The following SLC2A13 variants were observed in gnomAD, a reference collection of about 807,000 sequenced individuals.
SLC2A13 encodes solute carrier family 2 member 13.
In SLC2A13, 32 loss-of-function variants were observed where a neutral mutation model predicts 64.4. That is an observed-to-expected ratio of 0.50 (90% confidence interval 0.37 to 0.67). The LOEUF is 0.67. Among genes scored for constraint, SLC2A13 ranks in the 30% least tolerant of loss-of-function variants. SLC2A13 has a pLI of 0.00. For missense variants in SLC2A13, 743 were observed against 829.2 expected (o/e 0.90, Z 1.28); for synonymous variants, 338 against 327.1 (o/e 1.03, Z -0.36).
intron 4 of SLC2A13, among the ~76,000 whole-genome samples, chr12:39,881,511 A>T (rs547097008): frequency 2.6e-5 from 4 of 152,140 alleles, no homozygotes; most frequent in Non-Finnish European, 5.9e-5. Flanking sequence ...TGTCTCAATT[A>T]TCTGCTTATT....
intron 6 of SLC2A13, among the ~76,000 whole-genome samples, chr12:39,854,228 A>T (rs972750901): frequency 6.6e-6 from 1 of 152,132 alleles, no homozygotes; most frequent in Non-Finnish European, 1.5e-5. Context: ...TAGTTTTCTT[A>T]TCTGTAAAAT....
At chr12:40,069,363 AT>A (rs1276548716) in intron 1 of SLC2A13, among the ~76,000 whole-genome samples, 1 of 152,150 alleles carries the variant, frequency 6.6e-6, no homozygotes. Flanking sequence ...TTTTAGTGGT[AT>A]TTAGTAACAA....
intron 3 of SLC2A13, among the ~76,000 whole-genome samples, chr12:40,020,004 A>G (rs1314014219): frequency 1.2e-4 from 18 of 152,214 alleles, no homozygotes. Flanking sequence ...GGTATTCAGT[A>G]AGATACTGAT....
chr12:39,881,933 A>G (rs1944346147), intron 4 of SLC2A13, among the ~76,000 whole-genome samples: 1 of 152,142 alleles, frequency 6.6e-6, no homozygotes, highest in South Asian at 2.1e-4. Flanking sequence ...CAGTGGCATC[A>G]ACATGGACCA....
At position 39,930,192 on chromosome 12, in the gene SLC2A13, G is replaced by C. The variant is rs570792192; in HGVS notation, c.1034+21065C>G. Among the ~76,000 whole-genome samples the C allele has an allele frequency of 5.9e-5, 9 of 151,854 alleles. No individual in the cohort carries two copies. In the South Asian group the frequency reaches 1.9e-3, roughly 32 times the overall value. On this transcript the variant is annotated intron_variant, in intron 4 of 9. Coordinates refer to ENST00000280871, the MANE Select transcript of SLC2A13 (RefSeq NM_052885.4). ...GGCACCTACTTACTACTATAGGAGA[G>C]AGAGAAAAAAATCCTGGTATAACTG...
chr12:40,062,690 G>A (rs1948442683), intron 1 of SLC2A13, among the ~76,000 whole-genome samples: 1 of 151,694 alleles, frequency 6.6e-6, no homozygotes, highest in Non-Finnish European at 1.5e-5. Context: ...ATAAGCTCTT[G>A]GAAAAAAAAT....
intron 3 of SLC2A13, among the ~76,000 whole-genome samples, chr12:39,959,260 G>A (rs905040237): frequency 6.6e-6 from 1 of 152,170 alleles, no homozygotes; most frequent in African/African-American, 2.4e-5. Context: ...TGTTCTGCTT[G>A]AAAGAATGGA....
chr12:39,777,703 C>T (rs1345639151), intron 7 of SLC2A13, among the ~76,000 whole-genome samples: 2 of 152,072 alleles, frequency 1.3e-5, no homozygotes, highest in East Asian at 3.9e-4. Flanking sequence ...GGTGGCTGGC[C>T]GTCGAGAGGA....
intron 3 of SLC2A13, among the ~76,000 whole-genome samples, chr12:39,992,497 A>G (rs545488320): frequency 1.9e-4 from 29 of 152,104 alleles, no homozygotes; most frequent in African/African-American, 7.0e-4. Context: ...ACTCATTTTC[A>G]TCTTTCTTTC....
chr12:40,089,881 C>A (rs1938704170), intron 1 of SLC2A13, among the ~76,000 whole-genome samples: 1 of 152,066 alleles, frequency 6.6e-6, no homozygotes, highest in South Asian at 2.1e-4. Flanking sequence ...GCTCTGGGCT[C>A]CCTGGATTTG....
chr12:40,051,484 T>C (rs1356443464), intron 1 of SLC2A13, among the ~76,000 whole-genome samples: 1 of 152,094 alleles, frequency 6.6e-6, no homozygotes, highest in Non-Finnish European at 1.5e-5. Context: ...AGACATGAGC[T>C]CTGTTCTCGT....
chr12:39,910,151 C>T (rs1245720028), intron 4 of SLC2A13, among the ~76,000 whole-genome samples: 2 of 152,064 alleles, frequency 1.3e-5, no homozygotes, highest in Non-Finnish European at 2.9e-5. Context: ...AACACATTTC[C>T]ATCTTGAATA....
In SLC2A13 at chr12:39,760,221, A is replaced by G. The variant is rs759432371; in HGVS notation, c.1752T>C (p.Ala584=). 13 of 1,612,528 alleles carry G rather than the reference A, an allele frequency of 8.1e-6. No individual in the cohort carries two copies. The African/African-American group carries it at 1.7e-4, about 22-fold the overall frequency. The change falls in exon 10 of 10, where the codon GCT becomes GCC. Residue 584 remains alanine, a synonymous_variant. Transcript: ENST00000280871. ...AGCCATAGATGAAAAGGAGTCCCAC[A>G]GCAGCAAATCCAGCATAGAGGAAGA... The part of the protein sequence containing the change: ...GAFFLYAGFA[A]VGLLFIYGCL...
chr12:40,105,755 G>A lies in SLC2A13; in HGVS notation c.54C>T (p.Ser18=). ...NVEYTLRSLS[S]LMGERRRKQP... ...GCTTCCTGCGCCGCTCGCCCATCAG[G>A]CTGCTCAGGCTCCGCAGCGTGTACT... Residue 18 remains serine (S), a synonymous_variant, in exon 1 of 10, where the codon AGC becomes AGT. Transcript: ENST00000280871. This position sits in a 1 kb window ranked among gnomAD's most constrained non-coding sequence, Gnocchi z 4.2. The A allele has an allele frequency of 1.3e-6, 2 of 1,490,380 alleles. No homozygotes were observed. Among genetic ancestry groups the A allele is most frequent in the Non-Finnish European group, 1.8e-6 (2 of 1,120,674 alleles). The allele number at this position is 1,490,380 out of a possible 1,614,324, so 92.3% of individuals were successfully genotyped here.
At chr12:39,912,878 C>T (rs1945453888) in intron 4 of SLC2A13, among the ~76,000 whole-genome samples, 1 of 152,094 alleles carries the variant, frequency 6.6e-6, no homozygotes, top group Non-Finnish European at 1.5e-5. Context: ...CTACATACAA[C>T]ATAGCCGTTG....
rs368407018 is a variant in SLC2A13, at chr12:40,097,921, T to G, written c.556+7332A>C. Among the ~76,000 whole-genome samples, 8 of 152,108 alleles carry G rather than the reference T, an allele frequency of 5.3e-5. 1 individual carries two copies. In the East Asian group the frequency reaches 9.7e-4, roughly 18 times the overall value. On this transcript the variant is annotated intron_variant, in intron 1 of 9. Coordinates refer to ENST00000280871, the MANE Select transcript of SLC2A13 (RefSeq NM_052885.4). ...AAGGACCTCAAAGAGATGTATGCAC[T>G]CCCATCTTCATTGCAGCATTATCCA...
At chr12:39,943,887 A>C (rs2132746) in intron 4 of SLC2A13, among the ~76,000 whole-genome samples, 131,630 of 152,158 alleles carry the variant, frequency 0.87, 57,010 homozygotes, top group East Asian at 1. Flanking sequence ...AACTGGGTGG[A>C]CGTTTGGGCA....
At chr12:39,975,667 C>G (rs1388983137) in intron 3 of SLC2A13, among the ~76,000 whole-genome samples, 2 of 152,192 alleles carry the variant, frequency 1.3e-5, no homozygotes, top group East Asian at 1.9e-4. Context: ...TTCAAGTAAG[C>G]CACCTGTCTG....
chr12:39,897,987 C>T (rs919702858), intron 4 of SLC2A13, among the ~76,000 whole-genome samples: 5 of 151,954 alleles, frequency 3.3e-5, no homozygotes, highest in Admixed American at 3.3e-4. Flanking sequence ...ATAATAAACA[C>T]TTAAGAGATG....
Sources: allele counts gnomAD v4.1 joint callset (sites outside exome capture counted in the v4.1 genomes callset), GRCh38; gene constraint gnomAD v4.1.1; non-coding constraint Gnocchi (gnomAD v3.1); transcripts MANE v1.5; gene names NCBI Gene and HGNC (gene_info 2026-07-23, HGNC 2026-07-21).